The following CNTN4 variants were observed in gnomAD, a reference collection of about 807,000 sequenced individuals.
CNTN4 encodes contactin-4.
CNTN4 carries 77 observed loss-of-function variants against 122.5 expected under a neutral mutation model. The ratio of observed to expected loss-of-function variants is 0.63; its 90% CI spans 0.52 to 0.76. The LOEUF (loss-of-function observed/expected upper bound fraction) is 0.76, where lower values mean the gene tolerates loss of function less well. Among genes scored for constraint, CNTN4 ranks in the 30% least tolerant of loss-of-function variants. The probability of loss-of-function intolerance (pLI) is 0.00; values close to 1 mark genes in which losing one functional copy is unlikely to be tolerated. For synonymous variants in CNTN4, 512 were observed against 447.0 expected (o/e 1.15, Z -1.83); for missense variants, 1,256 against 1,259.1 (o/e 1.00, Z 0.04).
intron 2 of CNTN4, among the ~76,000 whole-genome samples, chr3:2,131,266 A>C (rs1327424373): frequency 6.6e-6 from 1 of 152,120 alleles, no homozygotes; most frequent in African/African-American, 2.4e-5. Flanking sequence ...TAGACACCAA[A>C]TCTGGTGTGC....
At chr3:2,749,419 C>G (rs1048205539) in intron 6 of CNTN4, among the ~76,000 whole-genome samples, 4 of 151,870 alleles carry the variant, frequency 2.6e-5, no homozygotes, top group Non-Finnish European at 4.4e-5. Context: ...GTGATCCACC[C>G]GCCTCAGCCT....
intron 4 of CNTN4, among the ~76,000 whole-genome samples, chr3:2,573,075 A>C (rs1296185882): frequency 2.0e-5 from 3 of 152,168 alleles, no homozygotes; most frequent in Non-Finnish European, 2.9e-5. Flanking sequence ...CAAATTCACA[A>C]AGCCAGTAAG....
chr3:2,526,858 G>A (rs2077414994), intron 3 of CNTN4, among the ~76,000 whole-genome samples: 1 of 152,110 alleles, frequency 6.6e-6, no homozygotes, highest in Non-Finnish European at 1.5e-5. Flanking sequence ...GTTTACTGGA[G>A]CTGCTAACAG....
At chr3:2,400,426 T>TATATATATAC (rs1399892591) in intron 3 of CNTN4, among the ~76,000 whole-genome samples, 2 of 71,248 alleles carry the variant, frequency 2.8e-5, no homozygotes, top group African/African-American at 9.4e-5. Flanking sequence ...TATATATATA[T>TATATATATAC]ACATATATAT....
intron 13 of CNTN4, among the ~76,000 whole-genome samples, chr3:2,931,819 G>A (rs1487398070): frequency 6.6e-6 from 1 of 151,864 alleles, no homozygotes; most frequent in African/African-American, 2.4e-5. Context: ...GTTTCGTTTT[G>A]TTGCTTGTAG....
intron 7 of CNTN4, among the ~76,000 whole-genome samples, chr3:2,838,460 A>C (rs185211898): frequency 6.6e-6 from 1 of 151,940 alleles, no homozygotes; most frequent in East Asian, 1.9e-4. Context: ...TGTAGAATCA[A>C]TTTGCTTTTA....
chr3:2,331,377 C>G (rs2043714645), intron 2 of CNTN4, among the ~76,000 whole-genome samples: 1 of 152,084 alleles, frequency 6.6e-6, no homozygotes, highest in African/African-American at 2.4e-5. Context: ...GAGTAGGTGT[C>G]TATATTAAGG....
chr3:2,854,268 CTTTTTTTTT>C (rs56147510), intron 7 of CNTN4, among the ~76,000 whole-genome samples: 4 of 90,052 alleles, frequency 4.4e-5, no homozygotes, highest in Non-Finnish European at 4.0e-5. Context: ...CTTTCTTCTT[CTTTTTTTTT>C]TTTTTTTTTT....
At chr3:2,164,512 C>G (rs975489535) in intron 2 of CNTN4, among the ~76,000 whole-genome samples, 5 of 152,286 alleles carry the variant, frequency 3.3e-5, no homozygotes, top group African/African-American at 1.2e-4. Flanking sequence ...CAAGCCTTCA[C>G]ATTGAATGAC....
intron 3 of CNTN4, among the ~76,000 whole-genome samples, chr3:2,535,434 A>G (rs1310582417): frequency 2.0e-5 from 3 of 152,228 alleles, no homozygotes; most frequent in Non-Finnish European, 2.9e-5. Flanking sequence ...TTCTAATACT[A>G]TCAGTGTACT....
chr3:2,744,606 C>T (rs966594134), intron 5 of CNTN4, among the ~76,000 whole-genome samples: 3 of 152,086 alleles, frequency 2.0e-5, no homozygotes, highest in Non-Finnish European at 2.9e-5. Flanking sequence ...TGGGGGTAAA[C>T]GAATCGGATA....
chr3:2,698,083 C>T (rs1031278518), intron 4 of CNTN4, among the ~76,000 whole-genome samples: 1 of 152,144 alleles, frequency 6.6e-6, no homozygotes, highest in Non-Finnish European at 1.5e-5. Context: ...TAAATGAAAA[C>T]GCCGTGGCTA....
chr3:2,795,607 G>A (rs1331394798), intron 6 of CNTN4, among the ~76,000 whole-genome samples: 6 of 149,964 alleles, frequency 4.0e-5, no homozygotes, highest in Admixed American at 1.3e-4. Context: ...TGCAAGCTCT[G>A]CCTCCCGGGT....
intron 4 of CNTN4, among the ~76,000 whole-genome samples, chr3:2,631,448 C>T (rs893728708): frequency 1.3e-5 from 2 of 151,926 alleles, no homozygotes; most frequent in African/African-American, 4.8e-5. Flanking sequence ...ACAAAATACC[C>T]CTTAAGAGTT....
intron 12 of CNTN4, among the ~76,000 whole-genome samples, chr3:2,921,426 C>T (rs550686562): frequency 6.6e-6 from 1 of 152,298 alleles, no homozygotes; most frequent in South Asian, 2.1e-4. Flanking sequence ...TTCTAGATAG[C>T]AATCCAACAG....
chr3:3,033,343 G>C (rs1405958218), intron 16 of CNTN4, among the ~76,000 whole-genome samples: 1 of 152,166 alleles, frequency 6.6e-6, no homozygotes, highest in Non-Finnish European at 1.5e-5. Context: ...TTTCATTCAG[G>C]AGTGGGAGGG....
intron 4 of CNTN4, among the ~76,000 whole-genome samples, chr3:2,617,343 T>A (rs2081800283): frequency 1.3e-5 from 2 of 151,556 alleles, no homozygotes; most frequent in South Asian, 4.2e-4. Context: ...GAACAGACAC[T>A]TCTCAAAAGA....
At chr3:2,649,991 A>C (rs1416745841) in intron 4 of CNTN4, among the ~76,000 whole-genome samples, 1 of 148,588 alleles carries the variant, frequency 6.7e-6, no homozygotes, top group Non-Finnish European at 1.5e-5. Flanking sequence ...CTATCTATAG[A>C]TAGATATTTT....
intron 2 of CNTN4, among the ~76,000 whole-genome samples, chr3:2,246,963 G>A (rs1003088771): frequency 1.3e-5 from 2 of 152,166 alleles, no homozygotes; most frequent in Admixed American, 1.3e-4. Context: ...ATAGAGACAA[G>A]AAAAGTCTTA....
Sources: gnomAD v4.1 joint callset for allele counts (sites outside exome capture counted in the v4.1 genomes callset) on GRCh38, gnomAD v4.1.1 for gene constraint, MANE v1.5 for transcripts, NCBI Gene and HGNC (gene_info 2026-07-23, HGNC 2026-07-21) for gene names.